Variants in MIS18A observed in about 807,000 individuals in gnomAD.
MIS18A encodes the protein MIS18 kinetochore protein A, also known as protein Mis18-alpha.
In MIS18A, 14 loss-of-function variants were observed where a neutral mutation model predicts 25.0. The ratio of observed to expected loss-of-function variants is 0.56; its 90% CI spans 0.37 to 0.88. MIS18A has a LOEUF of 0.88. MIS18A is among the 40% of genes least tolerant of loss of function. The probability of loss-of-function intolerance (pLI) is 0.00; values close to 1 mark genes in which losing one functional copy is unlikely to be tolerated. For synonymous variants in MIS18A, 134 were observed against 118.6 expected, an observed-to-expected ratio of 1.13 and a Z score of -0.84; for missense variants, 292 against 290.8, an observed-to-expected ratio of 1.00 and a Z score of -0.03.
At chr21:32,194,700 T>G in the MIS18A span, among the ~76,000 whole-genome samples, 6 of 151,522 alleles carry the variant, frequency 4.0e-5, no homozygotes, top group South Asian at 4.2e-4. Context: ...CACCATGGAA[T>G]ACTACTCAGC....
chr21:32,275,975 C>A (rs534421352), intron 1 of MIS18A, among the ~76,000 whole-genome samples: 92 of 152,192 alleles, frequency 6.0e-4, no homozygotes, highest in African/African-American at 2.0e-3. Flanking sequence ...TACTCCCCTG[C>A]CTAAGCTAGC....
chr21:32,241,331 C>T, the MIS18A span, among the ~76,000 whole-genome samples: 1 of 148,680 alleles, frequency 6.7e-6, no homozygotes, highest in African/African-American at 2.5e-5. Flanking sequence ...CAGTGGAGTA[C>T]TGCTTTATTT....
the MIS18A span, among the ~76,000 whole-genome samples, chr21:32,222,930 G>A: frequency 1.0e-4 from 11 of 107,408 alleles, no homozygotes; most frequent in African/African-American, 3.2e-4. Context: ...ACAAGACTCC[G>A]TCTCAAAAAA....
the MIS18A span, among the ~76,000 whole-genome samples, chr21:32,253,827 AT>A: frequency 0.014 from 2,143 of 152,282 alleles, 39 homozygotes; most frequent in Non-Finnish European, 0.017. Context: ...TCAACATTCA[AT>A]TGGTTCATAA....
downstream of MIS18A, among the ~76,000 whole-genome samples, chr21:32,266,236 T>A (rs2031597592): frequency 6.6e-6 from 1 of 152,108 alleles, no homozygotes; most frequent in Non-Finnish European, 1.5e-5. Flanking sequence ...AAACTCTGTA[T>A]CTAACTAATC....
chr21:32,178,408 A>G, the MIS18A span, among the ~76,000 whole-genome samples: 3,688 of 151,860 alleles, frequency 0.024, 182 homozygotes, highest in African/African-American at 0.085. Context: ...GTTTTTCTCT[A>G]TTTTTTCTTG....
chr21:32,278,802 C>T lies in MIS18A; in HGVS notation c.213G>A (p.Glu71=), dbSNP rs2031871839. The change falls in exon 1 of 5, where the codon GAG becomes GAA. Residue 71 remains glutamate, a synonymous_variant. Transcript: ENST00000290130. ...VADMERAQLE[E]EAAAAEERPL... The stretch of plus-strand genomic sequence containing the variant: ...GCCTCTCCTCCGCAGCCGCCGCCTC[C>T]TCCTCCAGCTGCGCCCTCTCCATGT... 1 of 1,591,048 alleles carries T rather than the reference C, an allele frequency of 6.3e-7. No individual in the cohort carries two copies.
downstream of MIS18A, among the ~76,000 whole-genome samples, chr21:32,265,190 T>G (rs920953704): frequency 6.6e-6 from 1 of 152,182 alleles, no homozygotes; most frequent in African/African-American, 2.4e-5. Context: ...AGCCCTCGCT[T>G]GCTCTCGGCA....
At chr21:32,265,822 T>C (rs1227814132), downstream of MIS18A, among the ~76,000 whole-genome samples, 1 of 152,242 alleles carries the variant, frequency 6.6e-6, no homozygotes, top group African/African-American at 2.4e-5. Flanking sequence ...TGGAGAGTCT[T>C]TATATCTAGC....
At chr21:32,217,208 T>C in the MIS18A span, among the ~76,000 whole-genome samples, 12 of 152,240 alleles carry the variant, frequency 7.9e-5, no homozygotes, top group South Asian at 2.3e-3. Flanking sequence ...ATTTTAAATA[T>C]GTTTAAAGAA....
chr21:32,154,710 G>C, the MIS18A span, among the ~76,000 whole-genome samples: 53 of 152,112 alleles, frequency 3.5e-4, no homozygotes. Flanking sequence ...CTGGTATTTG[G>C]AGGGAAAAGG....
intron 2 of MIS18A, among the ~76,000 whole-genome samples, chr21:32,271,562 T>C (rs899787307): frequency 2.6e-5 from 4 of 152,232 alleles, no homozygotes; most frequent in African/African-American, 9.6e-5. Context: ...ATTAGCTGGA[T>C]AGTATGCCAC....
the MIS18A span, among the ~76,000 whole-genome samples, chr21:32,256,516 G>A: frequency 3.9e-5 from 6 of 152,056 alleles, no homozygotes; most frequent in Admixed American, 6.6e-5. Context: ...TGGTTTTCCC[G>A]GGACAATTGA....
At chr21:32,271,771 A>AC (rs112649725) in intron 2 of MIS18A, among the ~76,000 whole-genome samples, 11,802 of 152,268 alleles carry the variant, frequency 0.078, 837 homozygotes, top group African/African-American at 0.19. Context: ...TATGAGAAAT[A>AC]AAAAGCATGT....
the MIS18A span, among the ~76,000 whole-genome samples, chr21:32,219,067 CAAA>C: frequency 5.9e-5 from 5 of 84,308 alleles, no homozygotes; most frequent in African/African-American, 1.4e-4. Context: ...GACTCTGTCT[CAAA>C]AAAAAAAAAA....
At chr21:32,176,693 A>G in the MIS18A span, among the ~76,000 whole-genome samples, 3 of 152,250 alleles carry the variant, frequency 2.0e-5, no homozygotes, top group African/African-American at 7.2e-5. Context: ...AAAACAAGAG[A>G]AAGTGGAAGG....
chr21:32,198,052 C>T, the MIS18A span, among the ~76,000 whole-genome samples: 2 of 152,190 alleles, frequency 1.3e-5, no homozygotes, highest in Non-Finnish European at 2.9e-5. Flanking sequence ...AAAACGGAGC[C>T]TAATTAGAGT....
the MIS18A span, among the ~76,000 whole-genome samples, chr21:32,198,678 G>T: frequency 6.6e-6 from 1 of 152,256 alleles, no homozygotes; most frequent in African/African-American, 2.4e-5. Context: ...GCCCCAAGTG[G>T]CACTGTCTCC....
chr21:32,156,221 G>A, the MIS18A span, among the ~76,000 whole-genome samples: 1 of 152,146 alleles, frequency 6.6e-6, no homozygotes, highest in African/African-American at 2.4e-5. Flanking sequence ...CTTACAATTA[G>A]TTCTAGAAAA....
Sources: allele counts gnomAD v4.1 joint callset (sites outside exome capture counted in the v4.1 genomes callset), GRCh38; gene constraint gnomAD v4.1.1; transcripts MANE v1.5; gene names NCBI Gene and HGNC (gene_info 2026-07-23, HGNC 2026-07-21).